ZNF69: variants seen among roughly 807,000 people sequenced by gnomAD.
ZNF69 encodes ZNF3.
A neutral mutation model predicts 50.9 loss-of-function variants in ZNF69; 47 were observed. The ratio of observed to expected loss-of-function variants is 0.92; its 90% CI spans 0.73 to 1.18. The LOEUF (loss-of-function observed/expected upper bound fraction) is 1.18. Among genes scored for constraint, ZNF69 ranks in the 50% most tolerant of loss-of-function variants. The pLI is 0.00. For synonymous variants in ZNF69, 216 were observed against 223.1 expected, an observed-to-expected ratio of 0.97 and a Z score of 0.29; for missense variants, 717 against 675.1, an observed-to-expected ratio of 1.06 and a Z score of -0.69.
At chr19:11,907,628 A>C (rs1338177985), downstream of ZNF69, among the ~76,000 whole-genome samples, 1 of 152,198 alleles carries the variant, frequency 6.6e-6, no homozygotes, top group Non-Finnish European at 1.5e-5. Flanking sequence ...ATGCTGAGAG[A>C]TTTTGTCACC....
chr19:11,931,170 A>G, the ZNF69 span, among the ~76,000 whole-genome samples: 2 of 148,088 alleles, frequency 1.4e-5, no homozygotes, highest in Non-Finnish European at 2.9e-5. Context: ...GGGCTGCTAT[A>G]TCAAATTACC....
chr19:11,977,162 T>C, the ZNF69 span: 5 of 1,613,946 alleles, frequency 3.1e-6, no homozygotes, highest in African/African-American at 1.3e-5. Context: ...CTGACCTCTA[T>C]AGGTAAGGAT....
the ZNF69 span, among the ~76,000 whole-genome samples, chr19:11,942,451 C>G: frequency 6.6e-6 from 1 of 152,118 alleles, no homozygotes; most frequent in Non-Finnish European, 1.5e-5. Flanking sequence ...TCGTTTTTCT[C>G]CCTGGATTTG....
the ZNF69 span, among the ~76,000 whole-genome samples, chr19:11,971,142 T>C: frequency 6.6e-6 from 1 of 152,312 alleles, no homozygotes; most frequent in African/African-American, 2.4e-5. Context: ...ACTTAAAGAA[T>C]AAACATTTGT....
the ZNF69 span, among the ~76,000 whole-genome samples, chr19:11,921,077 C>T: frequency 6.6e-6 from 1 of 152,140 alleles, no homozygotes; most frequent in Admixed American, 6.5e-5. Flanking sequence ...GTGCCCCTTT[C>T]TAATAAGTCT....
At chr19:11,932,899 A>T in the ZNF69 span, among the ~76,000 whole-genome samples, 1 of 148,202 alleles carries the variant, frequency 6.7e-6, no homozygotes, top group South Asian at 2.1e-4. Flanking sequence ...AGCCTCCCAA[A>T]GTGCTGGGAT....
chr19:11,928,528 C>G, the ZNF69 span, among the ~76,000 whole-genome samples: 2 of 148,580 alleles, frequency 1.3e-5, no homozygotes, highest in East Asian at 2.0e-4. Context: ...GTCAGGAGAT[C>G]GAGACCATCC....
the ZNF69 span, among the ~76,000 whole-genome samples, chr19:11,955,937 TAAA>T: frequency 1.3e-5 from 2 of 152,156 alleles, no homozygotes; most frequent in Non-Finnish European, 2.9e-5. Flanking sequence ...AATAAGATAA[TAAA>T]ATTCAGATAA....
chr19:11,967,563 T>C, the ZNF69 span, among the ~76,000 whole-genome samples: 3 of 151,920 alleles, frequency 2.0e-5, no homozygotes, highest in Non-Finnish European at 4.4e-5. Flanking sequence ...GCCACCACGC[T>C]CGGCTAATTT....
chr19:11,966,545 T>TGTATTTTTA, the ZNF69 span, among the ~76,000 whole-genome samples: 1 of 152,156 alleles, frequency 6.6e-6, no homozygotes, highest in Non-Finnish European at 1.5e-5. Context: ...GGCTAATTTT[T>TGTATTTTTA]GTATTTTTAG....
rs768585225 is a variant in ZNF69 at position 11,906,072 on chromosome 19, G to C, written c.1675G>C (p.Asp559His). The stretch of plus-strand genomic sequence containing the variant: ...AATGCATGGTAGGACTCACCCTGAA[G>C]ATAAACCCTATGAGTGTAAGCAATG... Reference protein sequence around the residue: ...LRMHGRTHPEDKPYECKQ With the variant: ...LRMHGRTHPEHKPYECKQ Residue 559 changes from aspartate to histidine, a missense_variant, in exon 4 of 4, where the codon GAT becomes CAT. Physicochemically the swap from Asp to His is moderately conservative, Grantham distance 81. Transcript: ENST00000429654. 2 of 1,612,930 alleles carry C rather than the reference G, an allele frequency of 1.2e-6. No individual in the cohort carries two copies. The highest frequency in any genetic ancestry group is 1.7e-6 in the Non-Finnish European group (2 of 1,179,550).
chr19:11,950,496 T>A, the ZNF69 span: 1 of 635,210 alleles, frequency 1.6e-6, no homozygotes, highest in Non-Finnish European at 2.9e-6. Context: ...TTCCGTTTGA[T>A]ATCATGAAAG....
At chr19:11,968,235 T>C in the ZNF69 span, among the ~76,000 whole-genome samples, 20 of 151,744 alleles carry the variant, frequency 1.3e-4, no homozygotes, top group Admixed American at 3.9e-4. Flanking sequence ...AGAAGGCTGA[T>C]GTATGAGGTA....
intron 1 of ZNF69, among the ~76,000 whole-genome samples, chr19:11,902,655 G>T (rs1292347098): frequency 2.0e-5 from 3 of 150,204 alleles, no homozygotes; most frequent in East Asian, 2.0e-4. Flanking sequence ...GCCTGATTTG[G>T]GTGGTCCCTG....
the ZNF69 span, among the ~76,000 whole-genome samples, chr19:11,976,602 C>T: frequency 6.7e-6 from 1 of 149,450 alleles, no homozygotes; most frequent in Non-Finnish European, 1.5e-5. Flanking sequence ...TGTGGTGGCT[C>T]ATGCCTGTAA....
the ZNF69 span, chr19:11,926,714 ACC>A: frequency 6.5e-6 from 1 of 154,146 alleles, no homozygotes; most frequent in African/African-American, 2.4e-5. Context: ...TTTTTAGTTT[ACC>A]AGTTTAGGGG....
chr19:11,929,652 C>T, the ZNF69 span, among the ~76,000 whole-genome samples: 1 of 147,976 alleles, frequency 6.8e-6, no homozygotes, highest in Non-Finnish European at 1.5e-5. Context: ...ACAGTTCAGT[C>T]TCATTGCTTG....
At chr19:11,975,386 A>AT in the ZNF69 span, among the ~76,000 whole-genome samples, 745 of 132,694 alleles carry the variant, frequency 5.6e-3, 5 homozygotes, top group African/African-American at 0.019. Context: ...GATGTTATTG[A>AT]TTTTTTTTTT....
At chr19:11,965,204 A>T in the ZNF69 span, 2 of 1,614,062 alleles carry the variant, frequency 1.2e-6, no homozygotes, top group South Asian at 2.2e-5. Context: ...TCTGAAAGCC[A>T]GGAAATGGTG....
Sources: allele counts gnomAD v4.1 joint callset (sites outside exome capture counted in the v4.1 genomes callset), GRCh38; gene constraint gnomAD v4.1.1; transcripts MANE v1.5; gene names NCBI Gene and HGNC (gene_info 2026-07-23, HGNC 2026-07-21).